SIK3: variants seen among roughly 807,000 people sequenced by gnomAD.
SIK3 encodes the protein serine/threonine-protein kinase SIK3.
Under a neutral mutation model 144.2 loss-of-function variants are expected in SIK3, and 28 were observed. That is an observed-to-expected ratio of 0.19 (90% CI 0.14 to 0.27). The LOEUF (loss-of-function observed/expected upper bound fraction) is 0.27. SIK3 is among the 10% of genes least tolerant of loss of function. The pLI is 1.00. For synonymous variants in SIK3, 686 were observed against 676.3 expected (o/e 1.01, Z -0.22); for missense variants, 1,319 against 1,776.0 (o/e 0.74, Z 4.62).
intron 4 of SIK3, among the ~76,000 whole-genome samples, chr11:116,907,101 T>C (rs1412118937): frequency 2.0e-5 from 3 of 152,196 alleles, no homozygotes; most frequent in East Asian, 1.9e-4. Context: ...GGACCTTCTG[T>C]TGAGTGCTGC....
chr11:117,036,837 T>G (rs1313815656), intron 1 of SIK3, among the ~76,000 whole-genome samples: 2 of 152,210 alleles, frequency 1.3e-5, no homozygotes, highest in Admixed American at 1.3e-4. Flanking sequence ...ATGTGAAACC[T>G]CTGATTCATT....
At chr11:117,062,580 A>G (rs978703681) in intron 1 of SIK3, among the ~76,000 whole-genome samples, 2 of 152,236 alleles carry the variant, frequency 1.3e-5, no homozygotes, top group African/African-American at 4.8e-5. Flanking sequence ...AAGTAATTGC[A>G]AAGAAATACA....
intron 1 of SIK3, among the ~76,000 whole-genome samples, chr11:117,041,739 T>G (rs1952749948): frequency 6.6e-6 from 1 of 152,154 alleles, no homozygotes; most frequent in South Asian, 2.1e-4. Context: ...TATAAATGAT[T>G]ATCATGCTTT....
At chr11:117,037,969 T>C (rs966212302) in intron 1 of SIK3, among the ~76,000 whole-genome samples, 1 of 152,238 alleles carries the variant, frequency 6.6e-6, no homozygotes, top group Non-Finnish European at 1.5e-5. Flanking sequence ...CATACCACTT[T>C]AGTAGTTCTG....
At chr11:116,853,277 T>G (rs890931346) in intron 21 of SIK3, among the ~76,000 whole-genome samples, 1 of 152,288 alleles carries the variant, frequency 6.6e-6, no homozygotes, top group Non-Finnish European at 1.5e-5. Flanking sequence ...TCGACCATTT[T>G]GGGGGGTACA....
intron 4 of SIK3, among the ~76,000 whole-genome samples, chr11:116,908,544 T>C (rs552160647): frequency 4.5e-4 from 68 of 151,594 alleles, no homozygotes; most frequent in African/African-American, 9.4e-4. Context: ...ACAAAGGACT[T>C]GTATCCAGAC....
intron 1 of SIK3, among the ~76,000 whole-genome samples, chr11:116,996,084 G>A (rs1323988636): frequency 1.3e-5 from 2 of 152,188 alleles, no homozygotes; most frequent in Non-Finnish European, 2.9e-5. Flanking sequence ...AAGGCAGGCA[G>A]ATCATTTTAG....
intron 6 of SIK3, 55 bp from the exon 7 acceptor site, chr11:116,877,097 A>G: frequency 1.3e-6 from 2 of 1,509,028 alleles, no homozygotes; most frequent in Non-Finnish European, 1.8e-6. Flanking sequence ...GCACCAGGGG[A>G]GTAGAGGAAC....
chr11:117,070,677 C>T (rs1271958297), intron 1 of SIK3, among the ~76,000 whole-genome samples: 8 of 151,872 alleles, frequency 5.3e-5, no homozygotes, highest in African/African-American at 1.9e-4. Context: ...AACTCCTGAC[C>T]TCAGGTGATC....
intron 1 of SIK3, among the ~76,000 whole-genome samples, chr11:116,988,615 T>C (rs1039616328): frequency 2.0e-5 from 3 of 151,732 alleles, no homozygotes; most frequent in Non-Finnish European, 2.9e-5. Flanking sequence ...ACCCCATCTC[T>C]ACAATAATAA....
chr11:116,858,202 G>C lies in SIK3; in HGVS notation c.3263C>G (p.Thr1088Arg). Reference protein sequence around the residue: ...LAPSLGGQSMTERQALSYQNA... With the variant: ...LAPSLGGQSMRERQALSYQNA... ...TTGATAAGATAAAGCCTGGCGCTCTGTCATGCTCTGTCCCCCAAGGCTGGG... is the reference window on the plus strand; with the variant it reads ...TTGATAAGATAAAGCCTGGCGCTCTCTCATGCTCTGTCCCCCAAGGCTGGG... Residue 1088 changes from threonine to arginine, a missense_variant, in exon 21 of 25, where the codon ACA becomes AGA. Transcript: ENST00000445177. This position sits in a 1 kb window ranked among gnomAD's most constrained non-coding sequence, Gnocchi z 5.4. 1 of 1,614,216 alleles carries C rather than the reference G, an allele frequency of 6.2e-7. No individual in the cohort carries two copies. Among genetic ancestry groups the C allele is most frequent in the Non-Finnish European group, 8.5e-7 (1 of 1,180,046 alleles).
chr11:117,070,808 A>G (rs1954240770), intron 1 of SIK3, among the ~76,000 whole-genome samples: 1 of 144,012 alleles, frequency 6.9e-6, no homozygotes, highest in Non-Finnish European at 1.5e-5. Flanking sequence ...ACTGGAGTAC[A>G]ATGGTGCGAT....
rs532902900 is a variant in SIK3 at position 116,847,352 on chromosome 11, C to A, written c.3952+124G>T. The A allele has an allele frequency of 1.6e-5, 21 of 1,345,344 alleles. No homozygotes were observed. In the African/African-American group the frequency reaches 3.0e-4, roughly 19 times the overall value. The allele number at this position is 1,345,344 out of a possible 1,614,324, so 83.3% of individuals were successfully genotyped here. A position where few individuals can be genotyped will look rare whatever the true frequency, so the allele number is the denominator to read the frequency against. ...TGGGGAAAGGGGCTGTGTCCAGAAC[C>A]TGTGGGATGCTGTGGCTCTACCTCC... On this transcript the variant is annotated intron_variant, in intron 23 of 24. Transcript: ENST00000445177.
chr11:116,890,027 C>T (rs1025001823), intron 6 of SIK3, among the ~76,000 whole-genome samples: 4 of 152,198 alleles, frequency 2.6e-5, no homozygotes, highest in African/African-American at 9.7e-5. Context: ...AGTCAGTGTT[C>T]GAACAACCCT....
intron 1 of SIK3, among the ~76,000 whole-genome samples, chr11:117,058,878 C>G (rs1302407023): frequency 6.6e-6 from 1 of 152,190 alleles, no homozygotes. Context: ...TGTTAATCCA[C>G]AGCTGGAGAT....
At chr11:116,887,245 TAAAAAA>T (rs5795056) in intron 6 of SIK3, among the ~76,000 whole-genome samples, 3 of 103,644 alleles carry the variant, frequency 2.9e-5, no homozygotes, top group Admixed American at 1.0e-4. Context: ...GTCTCTACAC[TAAAAAA>T]AAAAAAAAAA....
At position 117,034,826 on chromosome 11, in the gene SIK3, T is replaced by C. The variant is rs1288668737; in HGVS notation, c.273+63317A>G. On this transcript the variant is annotated intron_variant, in intron 1 of 24. Coordinates refer to ENST00000445177, the MANE Select transcript of SIK3 (RefSeq NM_001366686.3). ...ACCCAAAGGCAAGTTCTATTATAAATAGTCAATTAAGATCCAAAAAAACCA... is the reference window on the plus strand; with the variant it reads ...ACCCAAAGGCAAGTTCTATTATAAACAGTCAATTAAGATCCAAAAAAACCA... 5.9e-5 allele frequency among the ~76,000 whole-genome samples: 9 copies of C among 152,334 alleles called. No individual in the cohort carries two copies. The East Asian group carries it at 1.2e-3, about 20-fold the overall frequency.
chr11:116,927,155 TG>T, intron 4 of SIK3, 63 bp downstream of exon 4: 1 of 1,227,200 alleles, frequency 8.1e-7, no homozygotes, highest in Non-Finnish European at 1.1e-6. Context: ...GATAATCCCT[TG>T]CTTATAGAAC....
chr11:116,972,450 C>T lies in SIK3; in HGVS notation c.274-15386G>A, dbSNP rs1251814984. On this transcript the variant is annotated intron_variant, in intron 1 of 24. Transcript: ENST00000445177. ...AAACATATCCCCGTATTTCACCTATCCTCCAACTTCTTTCTTCATCCCCAG... is the reference window on the plus strand; with the variant it reads ...AAACATATCCCCGTATTTCACCTATTCTCCAACTTCTTTCTTCATCCCCAG... Among the ~76,000 whole-genome samples, 7 of 152,300 alleles carry T rather than the reference C, an allele frequency of 4.6e-5. No individual in the cohort carries two copies. In the East Asian group the frequency reaches 1.2e-3, roughly 25 times the overall value.
Sources: gnomAD v4.1 joint callset for allele counts (sites outside exome capture counted in the v4.1 genomes callset) on GRCh38, gnomAD v4.1.1 for gene constraint, Gnocchi (gnomAD v3.1) non-coding constraint, MANE v1.5 for transcripts, NCBI Gene and HGNC (gene_info 2026-07-23, HGNC 2026-07-21) for gene names.